The following GALNT11 variants were observed in gnomAD, a reference collection of about 807,000 sequenced individuals.
GALNT11 encodes UDP-GalNAc:polypeptide N-acetylgalactosaminyltransferase 11.
In GALNT11, 47 loss-of-function variants were observed where a neutral mutation model predicts 72.7. The observed-to-expected ratio is 0.65, with a 90% confidence interval of 0.51 to 0.82. The LOEUF (loss-of-function observed/expected upper bound fraction) is 0.82. Among genes scored for constraint, GALNT11 ranks in the 40% least tolerant of loss-of-function variants. The pLI, the probability that GALNT11 is intolerant of heterozygous loss-of-function variation, is 0.00. For synonymous variants in GALNT11, 270 were observed against 286.6 expected, an observed-to-expected ratio of 0.94 and a Z score of 0.58; for missense variants, 677 against 778.4, an observed-to-expected ratio of 0.87 and a Z score of 1.55.
intron 1 of GALNT11, among the ~76,000 whole-genome samples, chr7:152,092,671 T>G (rs1430793263): frequency 1.3e-5 from 2 of 152,240 alleles, no homozygotes; most frequent in African/African-American, 4.8e-5. Flanking sequence ...CAAGAGAACC[T>G]AATTTTTACA....
intron 1 of GALNT11, among the ~76,000 whole-genome samples, chr7:152,061,472 A>T (rs1372182349): frequency 1.3e-5 from 2 of 152,076 alleles, no homozygotes; most frequent in East Asian, 1.9e-4. Flanking sequence ...GAAGCTCTTT[A>T]GTTTAATTAG....
At chr7:152,100,552 G>A (rs2129046766) in intron 2 of GALNT11, among the ~76,000 whole-genome samples, 1 of 149,512 alleles carries the variant, frequency 6.7e-6, no homozygotes, top group South Asian at 2.1e-4. Context: ...ACGACAGAGG[G>A]AAACTCCATC....
At chr7:152,058,031 C>T (rs997769526) in intron 1 of GALNT11, among the ~76,000 whole-genome samples, 1 of 151,964 alleles carries the variant, frequency 6.6e-6, no homozygotes, top group Non-Finnish European at 1.5e-5. Flanking sequence ...ACTGTGGGTT[C>T]GGTTCTGAGC....
intron 1 of GALNT11, among the ~76,000 whole-genome samples, chr7:152,039,786 C>T (rs1244818405): frequency 6.6e-6 from 1 of 152,114 alleles, no homozygotes; most frequent in Non-Finnish European, 1.5e-5. Context: ...TAACCTCTAC[C>T]CCAAGTTATT....
intron 1 of GALNT11, among the ~76,000 whole-genome samples, chr7:152,060,573 T>C (rs543714670): frequency 1.3e-4 from 20 of 152,100 alleles, no homozygotes; most frequent in African/African-American, 4.6e-4. Flanking sequence ...TGTGCTGCAC[T>C]CATTAACTCG....
chr7:152,037,613 C>A (rs1052969606), intron 1 of GALNT11, among the ~76,000 whole-genome samples: 1 of 150,314 alleles, frequency 6.7e-6, no homozygotes, highest in Admixed American at 6.6e-5. Flanking sequence ...TTTTTTTTTT[C>A]TATTTCTGTG....
At chr7:152,051,073 A>G (rs2083372662) in intron 1 of GALNT11, among the ~76,000 whole-genome samples, 1 of 152,028 alleles carries the variant, frequency 6.6e-6, no homozygotes, top group African/African-American at 2.4e-5. Context: ...GTGATTGCTC[A>G]CCTGATTTTT....
At chr7:152,112,893 T>A (rs1440052081) in intron 7 of GALNT11, among the ~76,000 whole-genome samples, 1 of 151,794 alleles carries the variant, frequency 6.6e-6, no homozygotes, top group Non-Finnish European at 1.5e-5. Flanking sequence ...TAAAAGAAAA[T>A]AAATAAATAA....
chr7:152,100,325 T>C (rs928775191), intron 2 of GALNT11, among the ~76,000 whole-genome samples: 1 of 151,806 alleles, frequency 6.6e-6, no homozygotes, highest in Non-Finnish European at 1.5e-5. Flanking sequence ...CCCAGCACTT[T>C]GGGAGGCCGA....
chr7:152,034,190 T>C (rs548756912), intron 1 of GALNT11, among the ~76,000 whole-genome samples: 2 of 152,252 alleles, frequency 1.3e-5, no homozygotes, highest in African/African-American at 4.8e-5. Flanking sequence ...CAGGGGAGAT[T>C]AGAGGAGGCT....
chr7:152,030,827 TTCTC>T (rs1281088206), intron 1 of GALNT11, among the ~76,000 whole-genome samples: 2 of 152,204 alleles, frequency 1.3e-5, no homozygotes, highest in Non-Finnish European at 2.9e-5. Context: ...TTCTGTTTCT[TTCTC>T]TCTTTCCTTT....
intron 1 of GALNT11, among the ~76,000 whole-genome samples, chr7:152,084,184 A>T (rs1288099938): frequency 1.1e-4 from 16 of 149,524 alleles, no homozygotes; most frequent in Non-Finnish European, 4.5e-5. Context: ...TTTTTGGGGA[A>T]CTCTTTTATG....
chr7:152,039,729 A>G (rs1389336980), intron 1 of GALNT11, among the ~76,000 whole-genome samples: 1 of 152,084 alleles, frequency 6.6e-6, no homozygotes, highest in African/African-American at 2.4e-5. Flanking sequence ...AGGTGTTTTG[A>G]TGGTATCCAA....
At chr7:152,051,664 C>T (rs1272963281) in intron 1 of GALNT11, among the ~76,000 whole-genome samples, 1 of 152,148 alleles carries the variant, frequency 6.6e-6, no homozygotes, top group South Asian at 2.1e-4. Context: ...AGGGTAGACT[C>T]TTCAGAATTT....
chr7:152,072,252 G>A (rs926966790), intron 1 of GALNT11, among the ~76,000 whole-genome samples: 5 of 150,516 alleles, frequency 3.3e-5, no homozygotes, highest in African/African-American at 1.2e-4. Context: ...CTGGGAGGTG[G>A]AGGTTGCAGT....
intron 1 of GALNT11, among the ~76,000 whole-genome samples, chr7:152,053,545 T>C (rs1209525134): frequency 6.6e-6 from 1 of 152,266 alleles, no homozygotes; most frequent in African/African-American, 2.4e-5. Flanking sequence ...CTTATATCTT[T>C]ATTGTAGCAC....
intron 1 of GALNT11, among the ~76,000 whole-genome samples, chr7:152,067,645 C>T (rs2084385873): frequency 2.0e-5 from 3 of 152,174 alleles, no homozygotes; most frequent in Admixed American, 6.5e-5. Flanking sequence ...CCATCTTGCA[C>T]ATTTCCTGTC....
At chr7:152,054,397 T>TG (rs1391305313) in intron 1 of GALNT11, among the ~76,000 whole-genome samples, 5 of 151,460 alleles carry the variant, frequency 3.3e-5, no homozygotes, top group Non-Finnish European at 5.9e-5. Flanking sequence ...TTTTTTTTTT[T>TG]GCTCCTTCCT....
intron 7 of GALNT11, among the ~76,000 whole-genome samples, chr7:152,110,980 CCA>C (rs1454612962): frequency 1.3e-5 from 2 of 151,588 alleles, no homozygotes; most frequent in Non-Finnish European, 2.9e-5. Context: ...CCTCGGCCTC[CCA>C]GAGTGCTCCA....
Sources: allele counts gnomAD v4.1 joint callset (sites outside exome capture counted in the v4.1 genomes callset), GRCh38; gene constraint gnomAD v4.1.1; transcripts MANE v1.5; gene names NCBI Gene and HGNC (gene_info 2026-07-23, HGNC 2026-07-21).